The following SVIL variants were observed in gnomAD, a reference collection of about 807,000 sequenced individuals.
SVIL encodes the protein archvillin.
In SVIL, 101 loss-of-function variants were observed where a neutral mutation model predicts 240.4. The ratio of observed to expected loss-of-function variants is 0.42; its 90% confidence interval spans 0.36 to 0.50. The LOEUF (loss-of-function observed/expected upper bound fraction) is 0.50. Ranked by LOEUF, SVIL falls within the 20% of genes least tolerant of loss-of-function variation. SVIL has a pLI of 0.01. For missense variants in SVIL, 2,512 were observed against 2,818.7 expected, an observed-to-expected ratio of 0.89 and a Z score of 2.46; for synonymous variants, 999 against 1,100.0, an observed-to-expected ratio of 0.91 and a Z score of 1.82.
At chr10:29,546,921 T>C (rs919423929) in intron 6 of SVIL, among the ~76,000 whole-genome samples, 1 of 152,112 alleles carries the variant, frequency 6.6e-6, no homozygotes, top group Non-Finnish European at 1.5e-5. Flanking sequence ...CAGAAAAAAA[T>C]CCACAAAAAA....
intron 2 of SVIL, among the ~76,000 whole-genome samples, chr10:29,671,934 C>T (rs1959810620): frequency 6.6e-6 from 1 of 152,158 alleles, no homozygotes; most frequent in African/African-American, 2.4e-5. Flanking sequence ...CAGTCTGAAT[C>T]TCTATTATTA....
intron 6 of SVIL, among the ~76,000 whole-genome samples, chr10:29,549,663 A>C (rs1256909485): frequency 7.0e-6 from 1 of 143,274 alleles, no homozygotes. Flanking sequence ...AAAATGTGGC[A>C]CATATACACC....
upstream of SVIL, among the ~76,000 whole-genome samples, chr10:29,736,384 T>A (rs987608357): frequency 6.6e-6 from 1 of 152,210 alleles, no homozygotes; most frequent in Admixed American, 6.5e-5. Flanking sequence ...GTCCCAGGGC[T>A]GGGAAGATGC....
chr10:29,574,516 G>A (rs908357458), intron 1 of SVIL, among the ~76,000 whole-genome samples: 1 of 152,196 alleles, frequency 6.6e-6, no homozygotes, highest in Non-Finnish European at 1.5e-5. Context: ...ATCAGGCCCT[G>A]GTGGACCCTG....
At chr10:29,517,662 C>T (rs28571977) in intron 16 of SVIL, among the ~76,000 whole-genome samples, 65,817 of 151,674 alleles carry the variant, frequency 0.43, 14,875 homozygotes, top group African/African-American at 0.54. Context: ...AGCCTCCAGC[C>T]GGTCCCTCTA....
intron 1 of SVIL, among the ~76,000 whole-genome samples, chr10:29,634,032 G>GA (rs1191687025): frequency 2.6e-5 from 4 of 152,046 alleles, no homozygotes; most frequent in African/African-American, 9.7e-5. Context: ...TTGCCCTTCT[G>GA]AACTCCACCC....
chr10:29,711,624 G>C (rs1166442861), intron 1 of SVIL, among the ~76,000 whole-genome samples: 1 of 152,046 alleles, frequency 6.6e-6, no homozygotes, highest in East Asian at 1.9e-4. Flanking sequence ...AGCCAAGTGT[G>C]GTGGTGCACC....
At chr10:29,490,117 A>T (rs1211824369) in intron 22 of SVIL, among the ~76,000 whole-genome samples, 1 of 152,074 alleles carries the variant, frequency 6.6e-6, no homozygotes, top group Non-Finnish European at 1.5e-5. Context: ...TCTGGAGCCC[A>T]TCTCCTCGCC....
Position 29,492,042 on chromosome 10 carries a change from G to C in SVIL, c.4020-1023C>G, listed in dbSNP as rs533229823. Among the ~76,000 whole-genome samples the C allele has an allele frequency of 1.6e-4, 24 of 152,272 alleles. 1 individual carries two copies. In the South Asian group the frequency reaches 4.6e-3, roughly 29 times the overall value. ...GTCACTGACAATTTTGCAGTTAAGA[G>C]CAGATGGATGTGGTGGATTGCCGTG... On this transcript the variant is annotated intron_variant, in intron 21 of 37. Coordinates refer to ENST00000355867, the MANE Select transcript of SVIL (RefSeq NM_021738.3).
At chr10:29,497,941 G>T (rs2132427432) in intron 18 of SVIL, among the ~76,000 whole-genome samples, 1 of 151,720 alleles carries the variant, frequency 6.6e-6, no homozygotes, top group Non-Finnish European at 1.5e-5. Context: ...AATTAGCTGG[G>T]CATGGTGGCG....
rs2368409 is a variant in SVIL, at chr10:29,458,386, C to T, written c.6558+48G>A. On this transcript the variant is annotated intron_variant, in intron 37 of 37. Transcript: ENST00000355867. ...GGCTCAGTGAAAGGAGCCGGGCGTG[C>T]GTGTGTTGTTTTACTCCCATCCCCA... The T allele has an allele frequency of 0.15, 243,212 of 1,610,188 alleles. 19,738 individuals are homozygous for T. The highest frequency in any genetic ancestry group is 0.31 in the East Asian group (13,890 of 44,754).
chr10:29,682,336 G>C (rs1052056509), intron 2 of SVIL, among the ~76,000 whole-genome samples: 2 of 152,170 alleles, frequency 1.3e-5, no homozygotes, highest in African/African-American at 4.8e-5. Flanking sequence ...CACAGACGAA[G>C]AGACTCTTCT....
In SVIL at chr10:29,473,977, T is replaced by G. The variant is rs982239376; in HGVS notation, c.5390A>C (p.Gln1797Pro). 3 of 1,613,458 alleles carry G rather than the reference T, an allele frequency of 1.9e-6. No individual in the cohort carries two copies. In the African/African-American group the frequency reaches 4.0e-5, roughly 22 times the overall value. Residue 1797 changes from glutamine (Q) to proline (P), a missense_variant, in exon 30 of 38, where the codon CAG becomes CCG. Around this residue, in one of 3 missense-constraint regions of SVIL, gnomAD observed 797 missense variants for 925.3 expected, o/e 0.86. Coordinates refer to ENST00000355867, the MANE Select transcript of SVIL (RefSeq NM_021738.3). ...FMVSTAVGSR[Q>P]KGEHSVRAAG... is the part of the protein sequence containing the mutation. ...TGCCCTCACCGAGTGCTCTCCCTTC[T>G]GGCGACTTCCCACTGCAAACACAGA...
At chr10:29,568,769 A>T (rs11007656) in intron 2 of SVIL, among the ~76,000 whole-genome samples, 7 of 150,954 alleles carry the variant, frequency 4.6e-5, no homozygotes, top group African/African-American at 1.7e-4. Flanking sequence ...AGAATAACTC[A>T]CATGGATGGG....
chr10:29,510,415 C>T (rs1407428118), intron 17 of SVIL, among the ~76,000 whole-genome samples: 10 of 151,688 alleles, frequency 6.6e-5, no homozygotes, highest in East Asian at 1.9e-4. Context: ...CTATGTTGCA[C>T]GTGTTTTCAC....
chr10:29,538,444 G>T (rs569155308), intron 6 of SVIL, among the ~76,000 whole-genome samples: 8 of 152,338 alleles, frequency 5.3e-5, no homozygotes, highest in African/African-American at 1.9e-4. Flanking sequence ...GACTTAAAAT[G>T]GTTCAATGTA....
intron 18 of SVIL, chr10:29,496,286 G>A: frequency 2.6e-6 from 1 of 381,596 alleles, no homozygotes; most frequent in Non-Finnish European, 5.2e-6. Flanking sequence ...TTTAAAATTT[G>A]TTTCAATTGC....
chr10:29,563,453 T>A (rs1259891211), intron 2 of SVIL, among the ~76,000 whole-genome samples, 161 bp from the exon 3 acceptor site: 1 of 152,210 alleles, frequency 6.6e-6, no homozygotes, highest in Non-Finnish European at 1.5e-5. Context: ...TGGTAACTTT[T>A]TTCATTTATT....
At chr10:29,707,451 G>T (rs1962969547) in intron 1 of SVIL, among the ~76,000 whole-genome samples, 1 of 151,908 alleles carries the variant, frequency 6.6e-6, no homozygotes, top group Admixed American at 6.6e-5. Flanking sequence ...GTCTATTGTT[G>T]GTTTATTCGA....
Sources: allele counts gnomAD v4.1 joint callset (sites outside exome capture counted in the v4.1 genomes callset), GRCh38; gene constraint gnomAD v4.1.1; regional missense constraint gnomAD v4.1.1; transcripts MANE v1.5; gene names NCBI Gene and HGNC (gene_info 2026-07-23, HGNC 2026-07-21).